SGMS1: variants seen among roughly 807,000 people sequenced by gnomAD.
SGMS1 encodes the protein phosphatidylcholine:ceramide cholinephosphotransferase 1.
In SGMS1, 13 loss-of-function variants were observed where a neutral mutation model predicts 46.2. The observed-to-expected ratio is 0.28, with a 90% confidence interval of 0.18 to 0.45. The LOEUF (loss-of-function observed/expected upper bound fraction) is 0.45. Ranked by LOEUF, SGMS1 falls within the 20% of genes least tolerant of loss-of-function variation. SGMS1 has a pLI of 1.00. For synonymous variants in SGMS1, 203 were observed against 187.8 expected (o/e 1.08, Z -0.66); for missense variants, 324 against 519.9 (o/e 0.62, Z 3.66).
intron 8 of SGMS1, among the ~76,000 whole-genome samples, chr10:50,323,732 C>G (rs1244893221): frequency 6.6e-6 from 1 of 152,120 alleles, no homozygotes; most frequent in Non-Finnish European, 1.5e-5. Context: ...TAAAATCCAG[C>G]CCTTGGAATC....
At chr10:50,537,083 T>C (rs2133812365) in intron 2 of SGMS1, among the ~76,000 whole-genome samples, 1 of 152,318 alleles carries the variant, frequency 6.6e-6, no homozygotes, top group Non-Finnish European at 1.5e-5. Flanking sequence ...CATTTGCATT[T>C]CTCTCAAGCT....
intron 6 of SGMS1, among the ~76,000 whole-genome samples, chr10:50,425,597 CA>C (rs60301852): frequency 0.03 from 4,523 of 152,158 alleles, 227 homozygotes; most frequent in African/African-American, 0.1. Context: ...GATTACTAGA[CA>C]GGGGAGGGAG....
intron 5 of SGMS1, among the ~76,000 whole-genome samples, chr10:50,440,869 CA>C (rs2133636421): frequency 6.6e-6 from 1 of 152,318 alleles, no homozygotes; most frequent in South Asian, 2.1e-4. Context: ...CCTGGCCTCC[CA>C]AAGTGTTGGG....
chr10:50,550,661 T>C (rs3011791), intron 2 of SGMS1, among the ~76,000 whole-genome samples: 26,442 of 152,140 alleles, frequency 0.17, 2,978 homozygotes, highest in Non-Finnish European at 0.26. Context: ...TACACCTGCT[T>C]CTCTGACCCC....
chr10:50,343,413 T>C lies in SGMS1; in HGVS notation c.623+79A>G. 3 of 1,418,860 alleles carry C rather than the reference T, an allele frequency of 2.1e-6. No individual in the cohort carries two copies. In the East Asian group the frequency reaches 7.1e-5, roughly 34 times the overall value. The allele number at this position is 1,418,860 out of a possible 1,614,324, so 87.9% of individuals were successfully genotyped here. On this transcript the variant is annotated intron_variant, in intron 7 of 10. Transcript: ENST00000361781. ...GTTTTGATCCCAACAAGTTGATAAA[T>C]TTCATTTATAAATAATAAGTAGATG... is the stretch of plus-strand genomic sequence containing the variant.
At chr10:50,567,607 C>T (rs541173230) in intron 2 of SGMS1, among the ~76,000 whole-genome samples, 127 of 152,336 alleles carry the variant, frequency 8.3e-4, no homozygotes, top group Non-Finnish European at 1.1e-3. Context: ...AGGCGGCTCT[C>T]CAGTGTGTCT....
chr10:50,452,670 G>T lies in SGMS1; in HGVS notation c.-313+8003C>A, dbSNP rs1837126737. On this transcript the variant is annotated intron_variant, in intron 5 of 10. Coordinates refer to ENST00000361781, the MANE Select transcript of SGMS1 (RefSeq NM_147156.4). ...GAATTTCCATTATAATGATTGTACAGAGCAAGAGAGAGAAAAGATAAAACC... is the reference window on the plus strand; with the variant it reads ...GAATTTCCATTATAATGATTGTACATAGCAAGAGAGAGAAAAGATAAAACC... Among the ~76,000 whole-genome samples the T allele has an allele frequency of 2.0e-5, 3 of 152,182 alleles. No individual in the cohort carries two copies. The South Asian group carries it at 6.2e-4, about 32-fold the overall frequency.
In SGMS1 at chr10:50,413,011, T is replaced by TA. The variant is rs752836491; in HGVS notation, c.-232+20464dup. On this transcript the variant is annotated intron_variant, in intron 6 of 10. Coordinates refer to ENST00000361781, the MANE Select transcript of SGMS1 (RefSeq NM_147156.4). ...CTTTTATTTTTAATATTTTAACTAT[T>TA]AAAAAATCTAACTTCCTTATATATC... 1.8e-4 allele frequency among the ~76,000 whole-genome samples: 27 copies of TA among 152,304 alleles called. No individual in the cohort carries two copies. The East Asian group carries it at 3.5e-3, about 20-fold the overall frequency.
intron 3 of SGMS1, among the ~76,000 whole-genome samples, chr10:50,517,654 A>C (rs1837817777): frequency 1.3e-5 from 2 of 152,312 alleles, no homozygotes; most frequent in Admixed American, 1.3e-4. Context: ...AGGGTGGATA[A>C]ATGAAATAAA....
intron 2 of SGMS1, among the ~76,000 whole-genome samples, chr10:50,537,450 TATAG>T (rs1337958471): frequency 7.2e-6 from 1 of 138,550 alleles, no homozygotes; most frequent in Admixed American, 7.6e-5. Flanking sequence ...TATATATATA[TATAG>T]ATATATATAT....
chr10:50,483,864 T>A (rs187551895), intron 3 of SGMS1, among the ~76,000 whole-genome samples: 45 of 152,208 alleles, frequency 3.0e-4, no homozygotes, highest in African/African-American at 1.1e-3. Context: ...AGAGACAACA[T>A]ACCAGAACCT....
chr10:50,334,191 G>A (rs775296803), intron 7 of SGMS1, among the ~76,000 whole-genome samples: 5 of 152,178 alleles, frequency 3.3e-5, no homozygotes, highest in African/African-American at 1.2e-4. Flanking sequence ...CTATCTACTT[G>A]AGATAGTTAT....
intron 7 of SGMS1, among the ~76,000 whole-genome samples, chr10:50,331,360 G>T (rs920048056): frequency 3.0e-4 from 45 of 152,274 alleles, no homozygotes; most frequent in African/African-American, 1.1e-3. Context: ...TCAGGAAACT[G>T]CATCACATTG....
intron 2 of SGMS1, among the ~76,000 whole-genome samples, chr10:50,568,500 T>G (rs1204203251): frequency 6.6e-6 from 1 of 152,134 alleles, no homozygotes; most frequent in African/African-American, 2.4e-5. Context: ...TCCCATCCAA[T>G]TCATCAGTTT....
chr10:50,412,442 A>C (rs1444712597), intron 6 of SGMS1, among the ~76,000 whole-genome samples: 1 of 152,190 alleles, frequency 6.6e-6, no homozygotes, highest in African/African-American at 2.4e-5. Context: ...CTTCCCATCC[A>C]ACCCCTATCA....
At chr10:50,459,022 T>A (rs2133681422) in intron 5 of SGMS1, among the ~76,000 whole-genome samples, 1 of 152,318 alleles carries the variant, frequency 6.6e-6, no homozygotes, top group South Asian at 2.1e-4. Context: ...GAATTCAGGT[T>A]CTAAAACAAC....
intron 6 of SGMS1, among the ~76,000 whole-genome samples, chr10:50,378,224 C>T (rs1848547256): frequency 6.6e-6 from 1 of 152,108 alleles, no homozygotes; most frequent in Non-Finnish European, 1.5e-5. Flanking sequence ...TTAATGGAGC[C>T]ATCTCCTTCT....
intron 2 of SGMS1, among the ~76,000 whole-genome samples, chr10:50,525,207 C>T (rs1837890278): frequency 6.6e-6 from 1 of 152,156 alleles, no homozygotes; most frequent in Non-Finnish European, 1.5e-5. Context: ...ATAGCATCCT[C>T]TATTGGAGTT....
intron 6 of SGMS1, among the ~76,000 whole-genome samples, chr10:50,375,537 C>T (rs1432850600): frequency 6.6e-6 from 1 of 152,094 alleles, no homozygotes; most frequent in Non-Finnish European, 1.5e-5. Flanking sequence ...GAGGGTTTGG[C>T]CACCATGGGA....
Sources: gnomAD v4.1 joint callset for allele counts (sites outside exome capture counted in the v4.1 genomes callset) on GRCh38, gnomAD v4.1.1 for gene constraint, MANE v1.5 for transcripts, NCBI Gene and HGNC (gene_info 2026-07-23, HGNC 2026-07-21) for gene names.